Variants in NALF1 observed in about 807,000 individuals in gnomAD.
The protein encoded by NALF1 is family with sequence similarity 155 member A.
Under a neutral mutation model 48.4 loss-of-function variants are expected in NALF1, and 3 were observed. The ratio of observed to expected loss-of-function variants is 0.06; its 90% CI spans 0.03 to 0.16. The LOEUF (loss-of-function observed/expected upper bound fraction) is 0.16, where lower values mean the gene tolerates loss of function less well. NALF1 is among the 10% of genes least tolerant of loss of function. The pLI, the probability that NALF1 is intolerant of heterozygous loss-of-function variation, is 1.00. For synonymous variants in NALF1, 262 were observed against 245.7 expected, an observed-to-expected ratio of 1.07 and a Z score of -0.62; for missense variants, 526 against 571.5, an observed-to-expected ratio of 0.92 and a Z score of 0.81.
chr13:107,665,826 T>A (rs939774927), intron 1 of NALF1, among the ~76,000 whole-genome samples: 2 of 152,122 alleles, frequency 1.3e-5, no homozygotes, highest in Non-Finnish European at 2.9e-5. Flanking sequence ...ACTTTATTTT[T>A]CAACATGAGC....
At chr13:107,668,906 C>A (rs185332996) in intron 1 of NALF1, among the ~76,000 whole-genome samples, 24 of 152,002 alleles carry the variant, frequency 1.6e-4, no homozygotes, top group Admixed American at 1.4e-3. Context: ...AATATTGTAC[C>A]AAGTATTAGA....
chr13:107,683,044 C>T (rs1314322855), intron 1 of NALF1, among the ~76,000 whole-genome samples: 1 of 152,092 alleles, frequency 6.6e-6, no homozygotes, highest in Admixed American at 6.6e-5. Context: ...GGGAGGATTG[C>T]CGGAGCCAGG....
chr13:107,613,745 T>C (rs922432259), intron 1 of NALF1, among the ~76,000 whole-genome samples: 2 of 152,196 alleles, frequency 1.3e-5, no homozygotes, highest in Non-Finnish European at 2.9e-5. Flanking sequence ...AAAGTAACTA[T>C]TCAATAAATA....
intron 1 of NALF1, among the ~76,000 whole-genome samples, chr13:107,496,912 C>T (rs940977431): frequency 2.6e-5 from 4 of 152,122 alleles, no homozygotes; most frequent in African/African-American, 7.2e-5. Flanking sequence ...ATTCAATTAC[C>T]TCCCACCAGG....
chr13:107,664,170 A>G (rs1233741073), intron 1 of NALF1, among the ~76,000 whole-genome samples: 2 of 152,206 alleles, frequency 1.3e-5, no homozygotes, highest in East Asian at 3.9e-4. Context: ...TCAATTAGTG[A>G]GGACTCCATT....
At chr13:107,507,537 C>A (rs552967305) in intron 1 of NALF1, among the ~76,000 whole-genome samples, 1 of 114,026 alleles carries the variant, frequency 8.8e-6, no homozygotes, top group South Asian at 2.8e-4. Flanking sequence ...TTTTTTTTTG[C>A]TTTTTATTTT....
In NALF1 at chr13:107,863,767, C is replaced by T. The variant is rs994299229; in HGVS notation, c.915+1915G>A. Among the ~76,000 whole-genome samples the T allele has an allele frequency of 2.0e-5, 3 of 152,056 alleles. No homozygotes were observed. The South Asian group carries it at 6.2e-4, about 31-fold the overall frequency. On this transcript the variant is annotated intron_variant, in intron 1 of 2. Coordinates refer to ENST00000375915, the MANE Select transcript of NALF1 (RefSeq NM_001080396.3). ...TGATTATGTAAATGATGTAAATATA[C>T]AGTTGAGAGGTAATTTAGGTTAAGG...
At chr13:107,359,893 T>C (rs891397107) in intron 1 of NALF1, among the ~76,000 whole-genome samples, 1 of 152,190 alleles carries the variant, frequency 6.6e-6, no homozygotes, top group Non-Finnish European at 1.5e-5. Context: ...TGAATTAGTA[T>C]GCCACATCAG....
intron 1 of NALF1, among the ~76,000 whole-genome samples, chr13:107,853,444 C>CA (rs1880367950): frequency 6.6e-6 from 1 of 152,156 alleles, no homozygotes; most frequent in Non-Finnish European, 1.5e-5. Context: ...CCTGTGGACA[C>CA]AGTCAAAAAG....
At chr13:107,433,706 G>A (rs936249108) in intron 1 of NALF1, among the ~76,000 whole-genome samples, 5 of 151,992 alleles carry the variant, frequency 3.3e-5, no homozygotes, top group Admixed American at 1.3e-4. Flanking sequence ...TTTGTGTCGT[G>A]ATAGAAGCAC....
chr13:107,546,396 G>A (rs145694361), intron 1 of NALF1, among the ~76,000 whole-genome samples: 16 of 151,710 alleles, frequency 1.1e-4, no homozygotes, highest in African/African-American at 3.9e-4. Flanking sequence ...CCTCTCACAT[G>A]TTTCCTCTTA....
At chr13:107,430,619 G>T (rs1884362335) in intron 1 of NALF1, among the ~76,000 whole-genome samples, 1 of 152,158 alleles carries the variant, frequency 6.6e-6, no homozygotes, top group Non-Finnish European at 1.5e-5. Flanking sequence ...TACCTACAAA[G>T]GACATGAACT....
chr13:107,800,082 C>T (rs1358615901), intron 1 of NALF1, among the ~76,000 whole-genome samples: 3 of 152,078 alleles, frequency 2.0e-5, no homozygotes, highest in African/African-American at 7.2e-5. Context: ...TTTGAAATCT[C>T]CGCACTTAAG....
intron 1 of NALF1, among the ~76,000 whole-genome samples, chr13:107,501,037 G>A (rs949956316): frequency 1.3e-5 from 2 of 151,836 alleles, no homozygotes; most frequent in African/African-American, 2.4e-5. Flanking sequence ...CACCAGCATG[G>A]CACATGTATA....
At chr13:107,349,952 T>G (rs1032638066) in intron 1 of NALF1, among the ~76,000 whole-genome samples, 7 of 152,124 alleles carry the variant, frequency 4.6e-5, no homozygotes, top group African/African-American at 1.7e-4. Flanking sequence ...GGTTTTGGAA[T>G]GAAACTGTCT....
intron 1 of NALF1, among the ~76,000 whole-genome samples, chr13:107,300,038 C>A (rs996736679): frequency 2.0e-5 from 3 of 152,166 alleles, no homozygotes. Context: ...ACAGAAGATA[C>A]TCCCTGGGAA....
chr13:107,806,765 GGAAAACA>G (rs1207424929), intron 1 of NALF1, among the ~76,000 whole-genome samples: 1 of 152,046 alleles, frequency 6.6e-6, no homozygotes, highest in African/African-American at 2.4e-5. Flanking sequence ...TACAAGAAAC[GGAAAACA>G]GACTTTTTAA....
At chr13:107,683,737 T>C (rs1409265599) in intron 1 of NALF1, among the ~76,000 whole-genome samples, 12 of 152,204 alleles carry the variant, frequency 7.9e-5, no homozygotes, top group Admixed American at 1.3e-4. Flanking sequence ...AGAGCTCTCC[T>C]GCTGGGCTCC....
intron 1 of NALF1, among the ~76,000 whole-genome samples, chr13:107,773,798 T>C (rs898600997): frequency 7.9e-5 from 12 of 150,976 alleles, no homozygotes; most frequent in Admixed American, 4.6e-4. Flanking sequence ...TAAATGGGTG[T>C]AGCACACCAA....
Sources: gnomAD v4.1 joint callset for allele counts (sites outside exome capture counted in the v4.1 genomes callset) on GRCh38, gnomAD v4.1.1 for gene constraint, MANE v1.5 for transcripts, NCBI Gene and HGNC (gene_info 2026-07-23, HGNC 2026-07-21) for gene names.